YEATS2: variants seen among roughly 807,000 people sequenced by gnomAD.
The protein encoded by YEATS2 is YEATS domain containing 2.
In YEATS2, 77 loss-of-function variants were observed where a neutral mutation model predicts 163.2. The ratio of observed to expected loss-of-function variants is 0.47; its 90% CI spans 0.39 to 0.57. The LOEUF (loss-of-function observed/expected upper bound fraction) is 0.57. Ranked by LOEUF, YEATS2 falls within the 20% of genes least tolerant of loss-of-function variation. The probability of loss-of-function intolerance (pLI) is 0.00; values close to 1 mark genes in which losing one functional copy is unlikely to be tolerated. For synonymous variants in YEATS2, 631 were observed against 645.1 expected (o/e 0.98, Z 0.33); for missense variants, 1,549 against 1,729.8 (o/e 0.90, Z 1.85).
At chr3:183,778,543 A>G (rs984141625) in intron 19 of YEATS2, among the ~76,000 whole-genome samples, 2 of 152,094 alleles carry the variant, frequency 1.3e-5, no homozygotes, top group Admixed American at 1.3e-4. Context: ...TTTAGTAGAG[A>G]TGGGGTTTCT....
intron 8 of YEATS2, among the ~76,000 whole-genome samples, chr3:183,739,308 C>T (rs1200348747): frequency 8.6e-5 from 13 of 150,450 alleles, no homozygotes; most frequent in African/African-American, 9.8e-5. Context: ...CATTCTTATA[C>T]ACCAACAACA....
chr3:183,702,427 A>G (rs925745444), intron 1 of YEATS2, among the ~76,000 whole-genome samples: 1 of 152,000 alleles, frequency 6.6e-6, no homozygotes, highest in Non-Finnish European at 1.5e-5. Flanking sequence ...CCTGGGCGAC[A>G]TAGTGAGACA....
intron 1 of YEATS2, among the ~76,000 whole-genome samples, chr3:183,713,488 G>A (rs1715483296): frequency 1.3e-5 from 2 of 152,102 alleles, no homozygotes; most frequent in South Asian, 4.1e-4. Flanking sequence ...GCTTGAACCC[G>A]GGAGGCGGAG....
intron 2 of YEATS2, 84 bp downstream of exon 2, chr3:183,715,346 T>C: frequency 9.8e-7 from 1 of 1,021,108 alleles, no homozygotes; most frequent in South Asian, 1.4e-5. Flanking sequence ...TGAAATGAAT[T>C]TCCACTGTTA....
At chr3:183,807,842 G>T in intron 28 of YEATS2, 188 bp from the exon 29 acceptor site, 1 of 550,200 alleles carries the variant, frequency 1.8e-6, no homozygotes, top group Non-Finnish European at 3.3e-6. Context: ...CAGAAATGTG[G>T]AAAAACAAGA....
intron 7 of YEATS2, among the ~76,000 whole-genome samples, chr3:183,736,389 G>A (rs941960981): frequency 6.6e-6 from 1 of 152,176 alleles, no homozygotes; most frequent in African/African-American, 2.4e-5. Flanking sequence ...TCTGTCAAAT[G>A]CCAATTAAAG....
intron 20 of YEATS2, among the ~76,000 whole-genome samples, chr3:183,789,525 A>ATTTTT (rs143473253): frequency 0.15 from 9,596 of 66,154 alleles, 2,148 homozygotes; most frequent in Non-Finnish European, 0.16. Context: ...ATTCGAGTTA[A>ATTTTT]TTTTTTTTTT....
chr3:183,709,789 T>C (rs1714999232), intron 1 of YEATS2, among the ~76,000 whole-genome samples: 1 of 151,716 alleles, frequency 6.6e-6, no homozygotes, highest in Non-Finnish European at 1.5e-5. Flanking sequence ...GCCATTCTCC[T>C]GCCTTAGCCT....
intron 8 of YEATS2, among the ~76,000 whole-genome samples, chr3:183,737,954 C>G (rs570196805): frequency 2.6e-5 from 4 of 152,130 alleles, no homozygotes; most frequent in African/African-American, 9.6e-5. Context: ...TCATTTTTGT[C>G]TCTCTGTCAC....
chr3:183,776,450 G>A (rs1005384387), intron 18 of YEATS2, among the ~76,000 whole-genome samples: 3 of 152,032 alleles, frequency 2.0e-5, no homozygotes, highest in Non-Finnish European at 2.9e-5. Context: ...AGGTTGAGGT[G>A]GGAGGATTGC....
intron 7 of YEATS2, among the ~76,000 whole-genome samples, chr3:183,730,261 T>A (rs928871675): frequency 6.9e-6 from 1 of 144,812 alleles, no homozygotes; most frequent in African/African-American, 2.6e-5. Flanking sequence ...GACGGGGTTT[T>A]GCCATGTTGG....
chr3:183,725,936 C>G (rs1717047057), intron 6 of YEATS2, among the ~76,000 whole-genome samples: 1 of 152,126 alleles, frequency 6.6e-6, no homozygotes, highest in African/African-American at 2.4e-5. Flanking sequence ...TTCTGGGACT[C>G]TAAGGCAAAC....
intron 13 of YEATS2, among the ~76,000 whole-genome samples, chr3:183,761,168 A>G (rs1474807680): frequency 6.6e-6 from 1 of 151,654 alleles, no homozygotes; most frequent in East Asian, 1.9e-4. Flanking sequence ...GCTCACCACA[A>G]CCTCTGCCTC....
intron 1 of YEATS2, 45 bp downstream of exon 1, chr3:183,698,038 C>G (rs1409666917): frequency 6.6e-6 from 1 of 152,010 alleles, no homozygotes; most frequent in African/African-American, 2.4e-5. Flanking sequence ...GGAGCGCGCC[C>G]CGCTCTCCGG....
chr3:183,797,544 C>CAATAAATA (rs111590921), intron 21 of YEATS2, among the ~76,000 whole-genome samples: 52,900 of 142,624 alleles, frequency 0.37, 10,228 homozygotes, highest in Middle Eastern at 0.45. Context: ...GTCTCTAACA[C>CAATAAATA]AATAAATAAA....
At chr3:183,712,430 T>A (rs150613412) in intron 1 of YEATS2, among the ~76,000 whole-genome samples, 30 of 151,636 alleles carry the variant, frequency 2.0e-4, no homozygotes, top group African/African-American at 7.0e-4. Context: ...AGCCTGGTCT[T>A]GAACTCCTGA....
intron 22 of YEATS2, 110 bp from the exon 23 acceptor site, chr3:183,798,781 G>A: frequency 1.3e-6 from 1 of 795,208 alleles, no homozygotes. Context: ...TTGTCCTCAA[G>A]TTGCCTTTGT....
intron 1 of YEATS2, among the ~76,000 whole-genome samples, chr3:183,702,073 C>T (rs889725509): frequency 3.3e-5 from 5 of 152,160 alleles, no homozygotes; most frequent in East Asian, 1.9e-4. Flanking sequence ...AATCAAATTC[C>T]GACTCATCCA....
At chr3:183,719,738 C>T (rs1204616005) in intron 4 of YEATS2, among the ~76,000 whole-genome samples, 5 of 151,970 alleles carry the variant, frequency 3.3e-5, no homozygotes, top group African/African-American at 4.8e-5. Flanking sequence ...TTCACAAGCA[C>T]GATCATAGCT....
Sources: allele counts gnomAD v4.1 joint callset (sites outside exome capture counted in the v4.1 genomes callset), GRCh38; gene constraint gnomAD v4.1.1; transcripts MANE v1.5; gene names NCBI Gene and HGNC (gene_info 2026-07-23, HGNC 2026-07-21).